Variants in FIG4 observed in about 807,000 individuals in gnomAD.
The protein encoded by FIG4 is polyphosphoinositide phosphatase.
A neutral mutation model predicts 118.6 loss-of-function variants in FIG4; 112 were observed. That is an observed-to-expected ratio of 0.94 (90% CI 0.81 to 1.11). The LOEUF (loss-of-function observed/expected upper bound fraction) is 1.11. Ranked by LOEUF, FIG4 falls within the 50% of genes least tolerant of loss-of-function variation. The pLI, the probability that FIG4 is intolerant of heterozygous loss-of-function variation, is 0.00. For missense variants in FIG4, 969 were observed against 1,111.7 expected (o/e 0.87, Z 1.83); for synonymous variants, 369 against 381.2 (o/e 0.97, Z 0.37).
chr6:109,821,839 ACT>A (rs1220405716), intron 22 of FIG4, among the ~76,000 whole-genome samples: 1 of 152,140 alleles, frequency 6.6e-6, no homozygotes, highest in Non-Finnish European at 1.5e-5. Flanking sequence ...ACTGAGGGAA[ACT>A]CTACAACCCA....
chr6:109,741,627 GA>G, intron 8 of FIG4, 83 bp downstream of exon 8: 1 of 913,954 alleles, frequency 1.1e-6, no homozygotes, highest in Non-Finnish European at 1.8e-6. Context: ...GAAATTTTAA[GA>G]AGTGGTATTT....
intron 1 of FIG4, among the ~76,000 whole-genome samples, chr6:109,707,958 C>T (rs528738632): frequency 6.7e-5 from 10 of 148,412 alleles, no homozygotes; most frequent in Non-Finnish European, 1.3e-4. Flanking sequence ...ATATATTTTT[C>T]TACATTTTGA....
At chr6:109,726,061 G>C (rs2884130) in intron 3 of FIG4, among the ~76,000 whole-genome samples, 123,309 of 152,162 alleles carry the variant, frequency 0.81, 50,377 homozygotes, top group African/African-American at 0.93. Flanking sequence ...CCTGTTCACT[G>C]TGATGATAGT....
chr6:109,801,316 G>A lies in FIG4; in HGVS notation c.2546+4465G>A, dbSNP rs190261337. On this transcript the variant is annotated intron_variant, in intron 22 of 22. Coordinates refer to ENST00000230124, the MANE Select transcript of FIG4 (RefSeq NM_014845.6). Reference sequence around the variant, plus strand: ...TAATCCCAGCACTTTGGGAGGCTGAGGCGGGTGGATCACCTGAGGTTAGAA... The same window carrying A: ...TAATCCCAGCACTTTGGGAGGCTGAAGCGGGTGGATCACCTGAGGTTAGAA... 3.9e-3 allele frequency among the ~76,000 whole-genome samples: 594 copies of A among 152,270 alleles called. 4 individuals are homozygous for A. The highest frequency in any genetic ancestry group is 7.3e-3 in the Admixed American group (112 of 15,292).
intron 22 of FIG4, among the ~76,000 whole-genome samples, chr6:109,799,833 C>A (rs1303311884): frequency 6.6e-6 from 1 of 152,184 alleles, no homozygotes; most frequent in Admixed American, 6.5e-5. Context: ...AAACCCCAAA[C>A]TGGTCAATGT....
At chr6:109,724,963 G>GCAAA (rs1221805626) in intron 3 of FIG4, among the ~76,000 whole-genome samples, 1 of 151,904 alleles carries the variant, frequency 6.6e-6, no homozygotes, top group Non-Finnish European at 1.5e-5. Flanking sequence ...TTTCATCTAT[G>GCAAA]CAAAACTAAA....
intron 22 of FIG4, among the ~76,000 whole-genome samples, chr6:109,809,190 G>A (rs1778653816): frequency 1.3e-5 from 2 of 152,140 alleles, no homozygotes; most frequent in Non-Finnish European, 2.9e-5. Context: ...TTATCTCTGT[G>A]AGGCCATATT....
intron 21 of FIG4, 96 bp downstream of exon 21, chr6:109,792,760 A>G (rs1302246699): frequency 2.9e-6 from 2 of 694,890 alleles, no homozygotes; most frequent in Non-Finnish European, 4.8e-6. Context: ...TTTTTTGGAG[A>G]CAAGAGTCTT....
At chr6:109,751,726 T>C (rs943203749) in intron 10 of FIG4, among the ~76,000 whole-genome samples, 11 of 151,972 alleles carry the variant, frequency 7.2e-5, no homozygotes. Flanking sequence ...TAATCTCTGG[T>C]GGTATTTTGT....
chr6:109,734,861 T>G (rs1464997724), intron 5 of FIG4, among the ~76,000 whole-genome samples: 1 of 152,182 alleles, frequency 6.6e-6, no homozygotes, highest in Non-Finnish European at 1.5e-5. Context: ...TAGATTGATT[T>G]CAGTATGAAG....
In FIG4 at chr6:109,780,747, A is replaced by G. The variant is rs138191471; in HGVS notation, c.1889+3687A>G. On this transcript the variant is annotated intron_variant, in intron 16 of 22. Coordinates refer to ENST00000230124, the MANE Select transcript of FIG4 (RefSeq NM_014845.6). Reference sequence around the variant, plus strand: ...ATGGCGTGGCATATCTATGCCATGAAATAATACTTTTCTTGCACAATAAGG... The same window carrying G: ...ATGGCGTGGCATATCTATGCCATGAGATAATACTTTTCTTGCACAATAAGG... Among the ~76,000 whole-genome samples the G allele has an allele frequency of 5.1e-3, 773 of 152,264 alleles. 4 individuals carry two copies. Among genetic ancestry groups the G allele is most frequent in the Middle Eastern group, 0.017 (5 of 292 alleles).
At chr6:109,743,489 A>G in intron 9 of FIG4, 186 bp from the exon 10 acceptor site, 2 of 663,660 alleles carry the variant, frequency 3.0e-6, no homozygotes, top group Non-Finnish European at 5.3e-6. Context: ...CAGAAATGTA[A>G]GAATCATTCA....
intron 19 of FIG4, 116 bp from the exon 20 acceptor site, chr6:109,791,260 T>C (rs1284015976): frequency 3.5e-6 from 3 of 855,528 alleles, no homozygotes; most frequent in African/African-American, 3.3e-5. Flanking sequence ...CAGAAACTAG[T>C]GTCACAGTCA....
chr6:109,715,780 G>T (rs1316105987), intron 2 of FIG4, among the ~76,000 whole-genome samples: 1 of 152,074 alleles, frequency 6.6e-6, no homozygotes, highest in African/African-American at 2.4e-5. Context: ...TCACACAAAA[G>T]AACTCAAGTT....
intron 8 of FIG4, 38 bp downstream of exon 8, chr6:109,741,582 C>T (rs1482324741): frequency 8.1e-7 from 1 of 1,241,688 alleles, no homozygotes; most frequent in African/African-American, 1.5e-5. Context: ...ACCTTTTAAC[C>T]TTTTATATCA....
chr6:109,728,843 T>TTG (rs1473256476), intron 4 of FIG4, among the ~76,000 whole-genome samples: 1 of 152,148 alleles, frequency 6.6e-6, no homozygotes, highest in Non-Finnish European at 1.5e-5. Flanking sequence ...GTTAATGTTG[T>TTG]TTATAAGTCT....
chr6:109,785,236 T>G (rs1270749027), intron 17 of FIG4, among the ~76,000 whole-genome samples: 1 of 152,224 alleles, frequency 6.6e-6, no homozygotes, highest in East Asian at 1.9e-4. Context: ...CTTCTTTTTA[T>G]CTATGTAGGC....
At chr6:109,726,592 C>G (rs1171642342) in intron 3 of FIG4, among the ~76,000 whole-genome samples, 1 of 152,028 alleles carries the variant, frequency 6.6e-6, no homozygotes, top group Non-Finnish European at 1.5e-5. Flanking sequence ...GCTATGAGGG[C>G]TCTTTTTTGG....
intron 15 of FIG4, among the ~76,000 whole-genome samples, chr6:109,767,997 G>GACGCAA: frequency 6.6e-6 from 1 of 152,226 alleles, no homozygotes; most frequent in African/African-American, 2.4e-5. Context: ...CTGTTGAAGA[G>GACGCAA]ACGCAGCATG....
Sources: allele counts gnomAD v4.1 joint callset (sites outside exome capture counted in the v4.1 genomes callset), GRCh38; gene constraint gnomAD v4.1.1; transcripts MANE v1.5; gene names NCBI Gene and HGNC (gene_info 2026-07-23, HGNC 2026-07-21).